METAP1: variants seen among roughly 807,000 people sequenced by gnomAD.
METAP1 encodes methionine aminopeptidase 1.
A neutral mutation model predicts 53.8 loss-of-function variants in METAP1; 28 were observed. The observed-to-expected ratio is 0.52, with a 90% confidence interval of 0.39 to 0.71. The LOEUF is 0.71. Ranked by LOEUF, METAP1 falls within the 30% of genes least tolerant of loss-of-function variation. The pLI is 0.00. For missense variants in METAP1, 389 were observed against 479.8 expected, an observed-to-expected ratio of 0.81 and a Z score of 1.77; for synonymous variants, 181 against 165.7, an observed-to-expected ratio of 1.09 and a Z score of -0.71.
intron 6 of METAP1, among the ~76,000 whole-genome samples, chr4:99,042,169 C>CT (rs1333433317): frequency 1.3e-5 from 2 of 151,754 alleles, no homozygotes; most frequent in African/African-American, 4.8e-5. Context: ...TCTAGAAAGT[C>CT]TAATTCTGTA....
chr4:99,036,971 C>T (rs1579300709), intron 4 of METAP1, among the ~76,000 whole-genome samples: 2 of 151,824 alleles, frequency 1.3e-5, no homozygotes, highest in South Asian at 2.1e-4. Context: ...CTATATTTTT[C>T]GCAGCATAGT....
chr4:99,044,588 A>G (rs1726091201), intron 7 of METAP1, among the ~76,000 whole-genome samples: 1 of 152,116 alleles, frequency 6.6e-6, no homozygotes, highest in African/African-American at 2.4e-5. Context: ...TGATTGAAAT[A>G]TGTGGTTTAA....
intron 1 of METAP1, 46 bp from the exon 2 acceptor site, chr4:99,028,821 T>C: frequency 7.4e-7 from 1 of 1,355,866 alleles, no homozygotes; most frequent in Non-Finnish European, 1.0e-6. Context: ...AAAATGTTTC[T>C]TATTAAGGAA....
intron 2 of METAP1, among the ~76,000 whole-genome samples, chr4:99,030,242 C>T (rs1036559388): frequency 2.0e-5 from 3 of 152,132 alleles, no homozygotes; most frequent in African/African-American, 7.2e-5. Context: ...TTTGCTAACT[C>T]ATTGATGTGT....
At chr4:99,057,891 G>A (rs984292346) in intron 10 of METAP1, 73 bp downstream of exon 10, 17 of 1,324,158 alleles carry the variant, frequency 1.3e-5, no homozygotes, top group Non-Finnish European at 1.7e-5. Flanking sequence ...CATGTCAGTG[G>A]TCTTTTCTAC....
intron 4 of METAP1, among the ~76,000 whole-genome samples, chr4:99,036,261 C>G (rs918756863): frequency 2.6e-5 from 4 of 152,096 alleles, no homozygotes; most frequent in Non-Finnish European, 5.9e-5. Context: ...AACTGTATTA[C>G]ATAACATTCT....
intron 10 of METAP1, 115 bp from the exon 11 acceptor site, chr4:99,061,039 A>T: frequency 9.0e-7 from 1 of 1,115,582 alleles, no homozygotes; most frequent in Admixed American, 2.6e-5. Flanking sequence ...GCATTAGCTA[A>T]AACAATTGGC....
intron 9 of METAP1, 62 bp downstream of exon 9, chr4:99,048,938 C>T: frequency 1.3e-6 from 2 of 1,535,578 alleles, no homozygotes; most frequent in Admixed American, 1.8e-5. Context: ...CTTATTCATA[C>T]ATTTAACAGT....
intron 1 of METAP1, among the ~76,000 whole-genome samples, chr4:98,998,507 A>G (rs1722747159): frequency 6.6e-6 from 1 of 152,220 alleles, no homozygotes; most frequent in Non-Finnish European, 1.5e-5. Context: ...TGGGCAACAG[A>G]GCAAGACTCC....
chr4:99,022,772 A>G, intron 1 of METAP1: 3 of 1,602,322 alleles, frequency 1.9e-6, no homozygotes, highest in Non-Finnish European at 2.6e-6. Context: ...ACTGGCCGCC[A>G]CACTCTTGGC....
intron 6 of METAP1, among the ~76,000 whole-genome samples, chr4:99,042,065 G>A (rs777642445): frequency 1.3e-5 from 2 of 151,666 alleles, no homozygotes; most frequent in East Asian, 1.9e-4. Flanking sequence ...TGTAATCTCC[G>A]TTTTATAGGT....
rs113927660 is a variant in METAP1, at chr4:99,051,499, C to T, written c.931+2623C>T. Among the ~76,000 whole-genome samples the T allele has an allele frequency of 2.7e-3, 402 of 150,368 alleles. 4 individuals are homozygous for T. The highest frequency in any genetic ancestry group is 9.4e-3 in the African/African-American group (383 of 40,852). On this transcript the variant is annotated intron_variant, in intron 9 of 10. Coordinates refer to ENST00000296411, the MANE Select transcript of METAP1 (RefSeq NM_015143.3). Reference sequence around the variant, plus strand: ...TTGACCTCCGAGAGCTCAAGCAGTCCTCCTACCTCAGCCTCCTGAGTAGCT... The same window carrying T: ...TTGACCTCCGAGAGCTCAAGCAGTCTTCCTACCTCAGCCTCCTGAGTAGCT...
At chr4:99,057,127 C>A (rs1727204025) in intron 9 of METAP1, among the ~76,000 whole-genome samples, 1 of 152,176 alleles carries the variant, frequency 6.6e-6, no homozygotes, top group Non-Finnish European at 1.5e-5. Flanking sequence ...CCTCGGCTTC[C>A]CAAAGTGCTG....
At chr4:98,995,928 T>C in intron 1 of METAP1, 61 bp downstream of exon 1, 2 of 1,326,530 alleles carry the variant, frequency 1.5e-6, no homozygotes, top group East Asian at 5.3e-5. Flanking sequence ...GCTTCTCCCC[T>C]GCTGGCTCCT....
chr4:99,026,434 A>C (rs1724565212), intron 1 of METAP1: 11 of 985,454 alleles, frequency 1.1e-5, no homozygotes, highest in Non-Finnish European at 1.3e-5. Context: ...GTAGCATTTG[A>C]AACGACCTAA....
chr4:99,015,718 C>G (rs1723724221), intron 1 of METAP1, among the ~76,000 whole-genome samples: 1 of 152,144 alleles, frequency 6.6e-6, no homozygotes. Context: ...AGATATTTTT[C>G]TGAAGAGGCT....
At chr4:99,043,191 G>A (rs1051596346) in intron 6 of METAP1, 58 bp from the exon 7 acceptor site, 6 of 1,316,012 alleles carry the variant, frequency 4.6e-6, no homozygotes, top group Non-Finnish European at 5.2e-6. Flanking sequence ...TTTAAAATCT[G>A]TAATTTCATA....
At chr4:99,003,334 C>T (rs1239524971) in intron 1 of METAP1, among the ~76,000 whole-genome samples, 1 of 152,128 alleles carries the variant, frequency 6.6e-6, no homozygotes, top group Non-Finnish European at 1.5e-5. Context: ...CTTTGCATCA[C>T]ATTCTGAAGG....
intron 9 of METAP1, among the ~76,000 whole-genome samples, chr4:99,049,342 G>A (rs575992781): frequency 6.6e-6 from 1 of 152,286 alleles, no homozygotes; most frequent in East Asian, 1.9e-4. Context: ...ATTGTGTTAT[G>A]GAAGAAAAGT....
Sources: allele counts gnomAD v4.1 joint callset (sites outside exome capture counted in the v4.1 genomes callset), GRCh38; gene constraint gnomAD v4.1.1; transcripts MANE v1.5; gene names NCBI Gene and HGNC (gene_info 2026-07-23, HGNC 2026-07-21).